Variants in NOS1AP observed in about 807,000 individuals in gnomAD.
NOS1AP encodes carboxyl-terminal PDZ ligand of neuronal nitric oxide synthase protein.
NOS1AP carries 21 observed loss-of-function variants against 56.2 expected under a neutral mutation model. The ratio of observed to expected loss-of-function variants is 0.37; its 90% confidence interval spans 0.26 to 0.54. The LOEUF is 0.54. NOS1AP is among the 20% of genes least tolerant of loss of function. The pLI, the probability that NOS1AP is intolerant of heterozygous loss-of-function variation, is 0.84. For synonymous variants in NOS1AP, 270 were observed against 274.6 expected (o/e 0.98, Z 0.17); for missense variants, 522 against 657.8 (o/e 0.79, Z 2.26).
intron 1 of NOS1AP, among the ~76,000 whole-genome samples, chr1:162,094,411 C>T (rs1293946210): frequency 1.3e-5 from 2 of 152,136 alleles, no homozygotes; most frequent in African/African-American, 4.8e-5. Context: ...CTGAGTCAGA[C>T]TCAGTAAACT....
chr1:162,360,704 A>G (rs1657871659), intron 8 of NOS1AP: 4 of 425,050 alleles, frequency 9.4e-6, no homozygotes, highest in Non-Finnish European at 1.9e-5. Flanking sequence ...TCTATTTAGC[A>G]TATGTCCCTG....
At chr1:162,203,477 C>T (rs1055196410) in intron 2 of NOS1AP, among the ~76,000 whole-genome samples, 4 of 152,036 alleles carry the variant, frequency 2.6e-5, no homozygotes, top group African/African-American at 7.3e-5. Context: ...TTTCAAAAGG[C>T]GAGATGTCAA....
intron 1 of NOS1AP, among the ~76,000 whole-genome samples, chr1:162,136,119 G>C (rs1000417960): frequency 7.9e-5 from 12 of 152,142 alleles, no homozygotes; most frequent in Non-Finnish European, 1.8e-4. Flanking sequence ...CTTCAGAGGA[G>C]CAGGGTACTG....
At chr1:162,138,980 T>C (rs1156640123) in intron 1 of NOS1AP, among the ~76,000 whole-genome samples, 1 of 152,180 alleles carries the variant, frequency 6.6e-6, no homozygotes, top group Non-Finnish European at 1.5e-5. Flanking sequence ...TACTTGCAGA[T>C]GCTTCCTGGT....
At chr1:162,232,829 A>T (rs1274284109) in intron 2 of NOS1AP, among the ~76,000 whole-genome samples, 1 of 152,210 alleles carries the variant, frequency 6.6e-6, no homozygotes, top group Non-Finnish European at 1.5e-5. Context: ...ACACTGATTT[A>T]AGTCCTTGTC....
chr1:162,110,087 T>C (rs1042383833), intron 1 of NOS1AP, among the ~76,000 whole-genome samples: 16 of 152,124 alleles, frequency 1.1e-4, no homozygotes, highest in Non-Finnish European at 2.2e-4. Context: ...GTGAGTGGGA[T>C]AGCTGGGATT....
At chr1:162,201,594 G>A (rs900713448) in intron 2 of NOS1AP, among the ~76,000 whole-genome samples, 1 of 152,028 alleles carries the variant, frequency 6.6e-6, no homozygotes, top group African/African-American at 2.4e-5. Context: ...CTTTTTCTCT[G>A]CAACCTTGCC....
At position 162,152,095 on chromosome 1, in the gene NOS1AP, C is replaced by T. The variant is rs563537055; in HGVS notation, c.106-2310C>T. 6.9e-4 allele frequency among the ~76,000 whole-genome samples: 105 copies of T among 152,306 alleles called. 1 individual carries two copies. In the South Asian group the frequency reaches 0.016, roughly 24 times the overall value. ...GTTTCCTTTGGCTTTCTCAGTCCAG[C>T]AGTGCCTCTTCCAGAAGAGGTAGAA... On this transcript the variant is annotated intron_variant, in intron 1 of 9. Coordinates refer to ENST00000361897, the MANE Select transcript of NOS1AP (RefSeq NM_014697.3).
chr1:162,365,124 A>T lies in NOS1AP; in HGVS notation c.940-280A>T, dbSNP rs560821974. On this transcript the variant is annotated intron_variant, in intron 8 of 9. Coordinates refer to ENST00000361897, the MANE Select transcript of NOS1AP (RefSeq NM_014697.3). ...TGTGTGTGGCAGGTCTAGAGGGTCG[A>T]TGGCTCTTTCCTGCCTCTTGCCCTT... 78 of 1,388,436 alleles carry T rather than the reference A, an allele frequency of 5.6e-5. No homozygotes were observed. The African/African-American group carries it at 1.1e-3, about 19-fold the overall frequency. 86.0% of individuals were successfully genotyped at this position (1,388,436 alleles called of 1,614,324 possible).
Position 162,287,216 on chromosome 1 carries a change from C to A in NOS1AP, c.178-128C>A, listed in dbSNP as rs367869082. 181 of 691,046 alleles carry A rather than the reference C, an allele frequency of 2.6e-4. 2 individuals carry two copies. The South Asian group carries it at 2.8e-3, about 11-fold the overall frequency. The allele number at this position is 691,046 out of a possible 1,614,324, so 42.8% of individuals were successfully genotyped here. ...TGCTTTTACATCCCCCGAGGTGCTC[C>A]CTGCCCCCAGGAGCTATTCCCCACA... On this transcript the variant is annotated intron_variant, in intron 2 of 9. Coordinates refer to ENST00000361897, the MANE Select transcript of NOS1AP (RefSeq NM_014697.3).
intron 2 of NOS1AP, among the ~76,000 whole-genome samples, chr1:162,211,778 G>T (rs1349772107): frequency 6.6e-6 from 1 of 152,078 alleles, no homozygotes; most frequent in Non-Finnish European, 1.5e-5. Flanking sequence ...ACCGTATCCT[G>T]GTTAAGGAAA....
chr1:162,268,257 G>GAAAA (rs757606072), intron 2 of NOS1AP, among the ~76,000 whole-genome samples: 15 of 131,502 alleles, frequency 1.1e-4, no homozygotes, highest in South Asian at 4.9e-4. Context: ...CTGTCTATAG[G>GAAAA]AAAAAAAAAA....
At chr1:162,315,582 T>C (rs946883058) in intron 4 of NOS1AP, among the ~76,000 whole-genome samples, 2 of 152,154 alleles carry the variant, frequency 1.3e-5, no homozygotes, top group Non-Finnish European at 2.9e-5. Flanking sequence ...AGCACAGAAT[T>C]TGGGAAAGAT....
chr1:162,149,129 G>T (rs778478035), intron 1 of NOS1AP, among the ~76,000 whole-genome samples: 1 of 152,214 alleles, frequency 6.6e-6, no homozygotes, highest in Non-Finnish European at 1.5e-5. Context: ...ATTGCCCTAG[G>T]AACGTGTGGG....
chr1:162,141,809 A>G (rs983337674), intron 1 of NOS1AP, among the ~76,000 whole-genome samples: 9 of 152,168 alleles, frequency 5.9e-5, no homozygotes. Flanking sequence ...GCTGCTGCCG[A>G]TGTTAATGAG....
chr1:162,204,321 C>CTTTA (rs1377156165), intron 2 of NOS1AP, among the ~76,000 whole-genome samples: 1 of 152,206 alleles, frequency 6.6e-6, no homozygotes, highest in Non-Finnish European at 1.5e-5. Flanking sequence ...CATCCCAAAG[C>CTTTA]TTTAGGTCAT....
intron 1 of NOS1AP, among the ~76,000 whole-genome samples, chr1:162,131,497 G>C (rs1430488848): frequency 6.6e-6 from 1 of 151,608 alleles, no homozygotes; most frequent in African/African-American, 2.4e-5. Flanking sequence ...TATTATATTA[G>C]CTGTTGAGGG....
chr1:162,170,252 C>T (rs1650700740), intron 2 of NOS1AP, among the ~76,000 whole-genome samples: 1 of 152,158 alleles, frequency 6.6e-6, no homozygotes, highest in East Asian at 1.9e-4. Flanking sequence ...TCACTACATG[C>T]CAGTTCTATT....
At chr1:162,074,010 G>T (rs1691718628) in intron 1 of NOS1AP, among the ~76,000 whole-genome samples, 1 of 152,158 alleles carries the variant, frequency 6.6e-6, no homozygotes, top group Non-Finnish European at 1.5e-5. Flanking sequence ...GACTTTTAAT[G>T]CTATGGGTAC....
Sources: gnomAD v4.1 joint callset for allele counts (sites outside exome capture counted in the v4.1 genomes callset) on GRCh38, gnomAD v4.1.1 for gene constraint, MANE v1.5 for transcripts, NCBI Gene and HGNC (gene_info 2026-07-23, HGNC 2026-07-21) for gene names.